Variants in AGBL4 observed in about 807,000 individuals in gnomAD.
The protein encoded by AGBL4 is AGBL carboxypeptidase 4.
Under a neutral mutation model 66.4 loss-of-function variants are expected in AGBL4, and 58 were observed. The observed-to-expected ratio is 0.87, with a 90% CI of 0.71 to 1.09. The LOEUF (loss-of-function observed/expected upper bound fraction) is 1.09. Ranked by LOEUF, AGBL4 falls within the 50% of genes least tolerant of loss-of-function variation. The pLI, the probability that AGBL4 is intolerant of heterozygous loss-of-function variation, is 0.00. For missense variants in AGBL4, 579 were observed against 631.0 expected (o/e 0.92, Z 0.88); for synonymous variants, 234 against 222.9 (o/e 1.05, Z -0.44).
chr1:49,650,528 G>C (rs889972783), intron 3 of AGBL4, among the ~76,000 whole-genome samples: 6 of 152,144 alleles, frequency 3.9e-5, no homozygotes, highest in Admixed American at 2.6e-4. Flanking sequence ...GGCCTAAACT[G>C]ACATAGCAGG....
intron 3 of AGBL4, among the ~76,000 whole-genome samples, chr1:49,313,603 A>G (rs956476130): frequency 2.6e-5 from 4 of 151,980 alleles, no homozygotes; most frequent in African/African-American, 9.7e-5. Context: ...TGTGGTTTTG[A>G]TTTGCATTTC....
At chr1:49,712,680 T>C (rs1195389200) in intron 2 of AGBL4, among the ~76,000 whole-genome samples, 2 of 151,890 alleles carry the variant, frequency 1.3e-5, no homozygotes, top group Non-Finnish European at 2.9e-5. Context: ...CACTAATGTA[T>C]GTATATGAAA....
At chr1:49,029,872 T>C (rs1664064353) in intron 5 of AGBL4, among the ~76,000 whole-genome samples, 1 of 152,144 alleles carries the variant, frequency 6.6e-6, no homozygotes, top group Admixed American at 6.6e-5. Flanking sequence ...AAATAAACTC[T>C]TACATGTATA....
chr1:49,347,860 A>C (rs1004965258), intron 3 of AGBL4, among the ~76,000 whole-genome samples: 3 of 151,922 alleles, frequency 2.0e-5, no homozygotes, highest in Admixed American at 1.3e-4. Context: ...CTCTGTCTTA[A>C]AAAACAAAAA....
intron 4 of AGBL4, among the ~76,000 whole-genome samples, chr1:49,056,285 G>T (rs1331527864): frequency 6.6e-6 from 1 of 151,970 alleles, no homozygotes; most frequent in Admixed American, 6.6e-5. Flanking sequence ...TGCTTTCAGG[G>T]AACTTAAATT....
chr1:49,928,491 C>T (rs1653015805), intron 1 of AGBL4, among the ~76,000 whole-genome samples: 3 of 152,050 alleles, frequency 2.0e-5, no homozygotes, highest in Admixed American at 6.6e-5. Flanking sequence ...CCTCGTGATC[C>T]ACCCACCTTG....
intron 3 of AGBL4, among the ~76,000 whole-genome samples, chr1:49,486,469 C>G (rs562253839): frequency 6.6e-6 from 1 of 151,918 alleles, no homozygotes; most frequent in Non-Finnish European, 1.5e-5. Context: ...GAACCCCAAC[C>G]CATCAAAATC....
At chr1:49,371,277 A>G (rs1437092502) in intron 3 of AGBL4, among the ~76,000 whole-genome samples, 2 of 151,980 alleles carry the variant, frequency 1.3e-5, no homozygotes, top group African/African-American at 4.8e-5. Flanking sequence ...ACATACATAC[A>G]TACATACATA....
intron 3 of AGBL4, among the ~76,000 whole-genome samples, chr1:49,379,686 G>T (rs1172695762): frequency 6.6e-6 from 1 of 152,086 alleles, no homozygotes; most frequent in African/African-American, 2.4e-5. Context: ...TACATTTATT[G>T]ATTTGTGTAT....
chr1:49,684,059 G>A (rs1571323683), intron 3 of AGBL4, among the ~76,000 whole-genome samples: 1 of 152,274 alleles, frequency 6.6e-6, no homozygotes, highest in East Asian at 1.9e-4. Context: ...AACCATTCTA[G>A]ATTCATAATG....
chr1:49,365,901 G>C (rs564552952), intron 3 of AGBL4, among the ~76,000 whole-genome samples: 1 of 152,210 alleles, frequency 6.6e-6, no homozygotes, highest in Non-Finnish European at 1.5e-5. Flanking sequence ...ATGCCTGTCT[G>C]TGAAATGAAC....
intron 6 of AGBL4, among the ~76,000 whole-genome samples, chr1:48,784,508 C>T (rs1645366950): frequency 6.6e-6 from 1 of 152,176 alleles, no homozygotes; most frequent in Non-Finnish European, 1.5e-5. Flanking sequence ...CAGGGCTTGC[C>T]CAAACCTGCA....
intron 6 of AGBL4, among the ~76,000 whole-genome samples, chr1:48,820,781 G>T (rs1029640704): frequency 6.6e-6 from 1 of 152,092 alleles, no homozygotes; most frequent in African/African-American, 2.4e-5. Context: ...TAAAGTTTCT[G>T]CACAGCTAAA....
intron 5 of AGBL4, among the ~76,000 whole-genome samples, chr1:48,996,839 C>CTTCCTTCCTTCCTTCCT (rs202198002): frequency 1.4e-4 from 22 of 151,732 alleles, no homozygotes; most frequent in African/African-American, 5.1e-4. Context: ...TCCTTCCTTC[C>CTTCCTTCCTTCCTTCCT]TTCCTTCCTT....
intron 8 of AGBL4, 29 bp from the exon 9 acceptor site, chr1:48,634,633 A>G (rs767137782): frequency 1.3e-6 from 2 of 1,505,274 alleles, no homozygotes; most frequent in African/African-American, 1.4e-5. Context: ...AAGAGTCAAT[A>G]TAGACAGGAT....
intron 4 of AGBL4, among the ~76,000 whole-genome samples, chr1:49,203,758 T>C (rs1647906708): frequency 1.3e-5 from 2 of 152,124 alleles, no homozygotes; most frequent in Admixed American, 1.3e-4. Context: ...GAGCCGAGAT[T>C]GTGCCATTGC....
chr1:49,520,128 C>T (rs1011228797), intron 3 of AGBL4, among the ~76,000 whole-genome samples: 1 of 151,996 alleles, frequency 6.6e-6, no homozygotes, highest in African/African-American at 2.4e-5. Flanking sequence ...ACTAGTGTCT[C>T]ACTCTTTATT....
chr1:49,823,811 C>G (rs200044054), intron 2 of AGBL4, among the ~76,000 whole-genome samples: 1 of 51,042 alleles, frequency 2.0e-5, no homozygotes, highest in Non-Finnish European at 4.5e-5. Flanking sequence ...TGTGTGTGTA[C>G]ATACACACAC....
chr1:49,548,181 A>G (rs1652657473), intron 3 of AGBL4, among the ~76,000 whole-genome samples: 1 of 152,192 alleles, frequency 6.6e-6, no homozygotes, highest in East Asian at 1.9e-4. Flanking sequence ...GAATTCTTTT[A>G]TCGGTTCCAG....
Sources: allele counts gnomAD v4.1 joint callset (sites outside exome capture counted in the v4.1 genomes callset), GRCh38; gene constraint gnomAD v4.1.1; transcripts MANE v1.5; gene names NCBI Gene and HGNC (gene_info 2026-07-23, HGNC 2026-07-21).